The following ALG2 variants were observed in gnomAD, a reference collection of about 807,000 sequenced individuals.
ALG2 encodes the protein alpha-1,3/1,6-mannosyltransferase ALG2.
In ALG2, 32 loss-of-function variants were observed where a neutral mutation model predicts 30.5. The observed-to-expected ratio is 1.05, with a 90% CI of 0.79 to 1.41. The LOEUF (loss-of-function observed/expected upper bound fraction) is 1.41, where lower values mean the gene tolerates loss of function less well. Ranked by LOEUF, ALG2 falls within the 40% of genes most tolerant of loss-of-function variation. The pLI, the probability that ALG2 is intolerant of heterozygous loss-of-function variation, is 0.00. For synonymous variants in ALG2, 253 were observed against 224.8 expected (o/e 1.13, Z -1.12); for missense variants, 574 against 526.4 (o/e 1.09, Z -0.88).
chr9:99,218,800 G>T lies in ALG2; in HGVS notation c.385C>A (p.Arg129=). The stretch of plus-strand genomic sequence containing the variant: ...CAGTAAAATAGGATCTTCTTCCGCC[G>T]TCTAGCCAGCCTGAACACTGGGATA... ...ACIPVFRLAR[R]RKKILFYCHF... The change falls in exon 2 of 2, where the codon CGG becomes AGG. Residue 129 remains arginine, a synonymous_variant. Transcript: ENST00000476832. The T allele has an allele frequency of 6.2e-7, 1 of 1,608,278 alleles. No individual in the cohort carries two copies.
rs1056002665 is a variant in ALG2 at position 99,221,255 on chromosome 9, C to T, written c.348+292G>A. 6 of 1,110,448 alleles carry T rather than the reference C, an allele frequency of 5.4e-6. No homozygotes were observed. The Admixed American group carries it at 1.7e-4, about 32-fold the overall frequency. The allele number at this position is 1,110,448 out of a possible 1,614,324, so 68.8% of individuals were successfully genotyped here. On this transcript the variant is annotated intron_variant, in intron 1 of 1. Transcript: ENST00000476832. The stretch of plus-strand genomic sequence containing the variant: ...CCAGCGTTTCTCAGAGCCCCAAAGA[C>T]TATCTACCTCGGAATCACCCTATGA...
At chr9:99,221,123 T>G in intron 1 of ALG2, 4 of 1,360,722 alleles carry the variant, frequency 2.9e-6, no homozygotes, top group Non-Finnish European at 3.9e-6. Context: ...ACAAGGACAG[T>G]GGGATGCAAA....
In ALG2 at chr9:99,217,523, AACT is replaced by A. The variant is rs1828714453; in HGVS notation, c.*408_*410del. The A allele has an allele frequency of 2.2e-6, 1 of 455,548 alleles. No homozygotes were observed. The highest frequency in any genetic ancestry group is 2.3e-5 in the Admixed American group (1 of 42,578). 28.2% of individuals were successfully genotyped at this position (455,548 alleles called of 1,614,324 possible). A position where few individuals can be genotyped will look rare whatever the true frequency, so the allele number is the denominator to read the frequency against. On this transcript the variant is annotated 3_prime_UTR_variant, in exon 2 of 2. Coordinates refer to ENST00000476832, the MANE Select transcript of ALG2 (RefSeq NM_033087.4). ...AACACTTCGGTGGATTGAATCTGGG[AACT>A]ACAATAGCCCTGCTCTCATTATACT...
chr9:99,216,887 T>G lies in ALG2; in HGVS notation c.*1047A>C. Reference sequence around the variant, plus strand: ...TGTGGAGCCTTTGGCTAGTAAGCTTTGCTACTTCTGGAAATGAATTTAGCC... The same window carrying G: ...TGTGGAGCCTTTGGCTAGTAAGCTTGGCTACTTCTGGAAATGAATTTAGCC... On this transcript the variant is annotated 3_prime_UTR_variant, in exon 2 of 2. Transcript: ENST00000476832. 2.2e-6 allele frequency: 1 copy of G among 454,156 alleles called. No homozygotes were observed. Among genetic ancestry groups the G allele is most frequent in the South Asian group, 1.6e-5 (1 of 64,478 alleles). The allele number at this position is 454,156 out of a possible 1,614,324, so 28.1% of individuals were successfully genotyped here. A position where few individuals can be genotyped will look rare whatever the true frequency, so the allele number is the denominator to read the frequency against.
chr9:99,219,550 T>C (rs1828755976), intron 1 of ALG2, among the ~76,000 whole-genome samples: 1 of 152,250 alleles, frequency 6.6e-6, no homozygotes, highest in African/African-American at 2.4e-5. Flanking sequence ...CTTTTTGTGA[T>C]TATTAAATGC....
intron 1 of ALG2, among the ~76,000 whole-genome samples, chr9:99,219,317 T>C (rs1828753276): frequency 6.6e-6 from 1 of 152,226 alleles, no homozygotes; most frequent in South Asian, 2.1e-4. Flanking sequence ...CACATGTGGC[T>C]AGTGGCTACC....
At position 99,217,013 on chromosome 9, in the gene ALG2, A is replaced by G. The variant is rs1828704035; in HGVS notation, c.*921T>C. 4.4e-6 allele frequency: 2 copies of G among 454,028 alleles called. No individual in the cohort carries two copies. The highest frequency in any genetic ancestry group is 3.1e-5 in the South Asian group (2 of 64,486). 28.1% of individuals were successfully genotyped at this position (454,028 alleles called of 1,614,324 possible). A position where few individuals can be genotyped will look rare whatever the true frequency, so the allele number is the denominator to read the frequency against. ...TCACGAAAATATCAGTGTCATGAAA[A>G]GGCTAGAGTACATGGAGGGGGAAGA... On this transcript the variant is annotated 3_prime_UTR_variant, in exon 2 of 2. Coordinates refer to ENST00000476832, the MANE Select transcript of ALG2 (RefSeq NM_033087.4).
chr9:99,218,176 T>A lies in ALG2; in HGVS notation c.1009A>T (p.Met337Leu), dbSNP rs1158340834. ...FGIVPLEAMYMQCPVIAVNSG... is the reference protein window; with the variant it reads ...FGIVPLEAMYLQCPVIAVNSG... ...TTAACAGCAATGACTGGGCACTGCA[T>A]GTACATGGCTTCCAGAGGGACAATG... The change falls in exon 2 of 2, where the codon ATG (methionine) becomes TTG (leucine). Residue 337 changes from methionine (M) to leucine (L), a missense_variant. Transcript: ENST00000476832. The A allele has an allele frequency of 6.2e-7, 1 of 1,613,314 alleles. No individual in the cohort carries two copies. The highest frequency in any genetic ancestry group is 2.2e-5 in the East Asian group (1 of 44,860).
rs1828730007 is a variant in ALG2 at position 99,218,262 on chromosome 9, TTC to T, written c.921_922del (p.Lys308AsnfsTer17). The T allele has an allele frequency of 6.2e-7, 1 of 1,614,120 alleles. No homozygotes were observed. Among genetic ancestry groups the T allele is most frequent in the African/African-American group, 1.3e-5 (1 of 74,942 alleles). On this transcript the variant is annotated frameshift_variant, in exon 2 of 2. Coordinates refer to ENST00000476832, the MANE Select transcript of ALG2 (RefSeq NM_033087.4). LOFTEE classifies it high-confidence loss of function. Reference sequence around the variant, plus strand: ...CGTGCAGCTGTGGAGGAGGGAGATTTTCTGTTTGTCTGAGAAAGACCTCAAGA... The same window carrying T: ...CGTGCAGCTGTGGAGGAGGGAGATTTTGTTTGTCTGAGAAAGACCTCAAGA...
intron 1 of ALG2, chr9:99,220,961 C>T (rs1588620099): frequency 2.2e-6 from 3 of 1,351,866 alleles, no homozygotes; most frequent in Middle Eastern, 2.1e-4. Context: ...AGGGCAGATC[C>T]AGGTGGACAT....
rs1485832940 is a variant in ALG2 at position 99,217,421 on chromosome 9, A to T, written c.*513T>A. The T allele has an allele frequency of 2.2e-6, 1 of 453,802 alleles. No individual in the cohort carries two copies. The highest frequency in any genetic ancestry group is 6.9e-5 in the East Asian group (1 of 14,396). 28.1% of individuals were successfully genotyped at this position (453,802 alleles called of 1,614,324 possible). ...AGTGTGCAAAAATACAAATTATCTTAAAAAAAATACAGAGCACTCTCGCTA... is the reference window on the plus strand; with the variant it reads ...AGTGTGCAAAAATACAAATTATCTTTAAAAAAATACAGAGCACTCTCGCTA... On this transcript the variant is annotated 3_prime_UTR_variant, in exon 2 of 2. Coordinates refer to ENST00000476832, the MANE Select transcript of ALG2 (RefSeq NM_033087.4).
intron 1 of ALG2, chr9:99,220,970 A>T: frequency 2.2e-6 from 3 of 1,352,256 alleles, no homozygotes; most frequent in Non-Finnish European, 2.9e-6. Context: ...CCAGGTGGAC[A>T]TTATTTACCA....
In ALG2 at chr9:99,218,108, C is replaced by A. The variant is rs750767609; in HGVS notation, c.1077G>T (p.Gly359=). The change falls in exon 2 of 2, where the codon GGG becomes GGT. Residue 359 remains glycine, a synonymous_variant. Transcript: ENST00000476832. The part of the protein sequence containing the change: ...PLESIDHSVT[G]FLCEPDPVHF... ...GCACCGGGTCAGGCTCACACAGAAA[C>A]CCTGTGACACTGTGGTCAATGGACT... 3 of 1,612,776 alleles carry A rather than the reference C, an allele frequency of 1.9e-6. No homozygotes were observed. The highest frequency in any genetic ancestry group is 2.5e-6 in the Non-Finnish European group (3 of 1,179,088).
rs1482219043 is a variant in ALG2 at position 99,216,906 on chromosome 9, T to C, written c.*1028A>G. 1.3e-5 allele frequency: 6 copies of C among 454,122 alleles called. No individual in the cohort carries two copies. Among genetic ancestry groups the C allele is most frequent in the Admixed American group, 2.3e-5 (1 of 42,574 alleles). 28.1% of individuals were successfully genotyped at this position (454,122 alleles called of 1,614,324 possible). ...AAGCTTTGCTACTTCTGGAAATGAA[T>C]TTAGCCTTAGAAGTATGTTGAAAAC... On this transcript the variant is annotated 3_prime_UTR_variant, in exon 2 of 2. Transcript: ENST00000476832.
chr9:99,217,350 T>C lies in ALG2; in HGVS notation c.*584A>G, dbSNP rs1401507733. The stretch of plus-strand genomic sequence containing the variant: ...CCAAAATAGATTATGGAGACCAAAA[T>C]CTAATACTGTTTCTTTTTTATGATA... On this transcript the variant is annotated 3_prime_UTR_variant, in exon 2 of 2. Coordinates refer to ENST00000476832, the MANE Select transcript of ALG2 (RefSeq NM_033087.4). 2.2e-6 allele frequency: 1 copy of C among 454,076 alleles called. No individual in the cohort carries two copies. The highest frequency in any genetic ancestry group is 1.6e-5 in the South Asian group (1 of 64,462). The allele number at this position is 454,076 out of a possible 1,614,324, so 28.1% of individuals were successfully genotyped here. A position where few individuals can be genotyped will look rare whatever the true frequency, so the allele number is the denominator to read the frequency against.
chr9:99,221,300 T>A (rs1281913398), intron 1 of ALG2, among the ~76,000 whole-genome samples: 1 of 152,216 alleles, frequency 6.6e-6, no homozygotes, highest in Non-Finnish European at 1.5e-5. Flanking sequence ...AATGCAGATG[T>A]CTGGGCCCCA....
At position 99,221,709 on chromosome 9, in the gene ALG2, C is replaced by T. The variant is rs1485767103; in HGVS notation, c.186G>A (p.Glu62=). 1 of 1,594,286 alleles carries T rather than the reference C, an allele frequency of 6.3e-7. No individual in the cohort carries two copies. Among genetic ancestry groups the T allele is most frequent in the Non-Finnish European group, 8.5e-7 (1 of 1,177,298 alleles). The part of the protein sequence containing the change: ...AHYDPGHCFA[E]SRELPVRCAG... The stretch of plus-strand genomic sequence containing the variant: ...CACAGCGCACCGGTAGCTCGCGGCT[C>T]TCGGCGAAACAGTGGCCCGGGTCGT... Residue 62 remains glutamate (E), a synonymous_variant, in exon 1 of 2, where the codon GAG becomes GAA. Transcript: ENST00000476832.
In ALG2 at chr9:99,218,854, C is replaced by T. The variant is rs1437157278; in HGVS notation, c.349-18G>A. On this transcript the variant is annotated intron_variant, in intron 1 of 1. Coordinates refer to ENST00000476832, the MANE Select transcript of ALG2 (RefSeq NM_033087.4). ...GCAGACACCTAGCCAAAGCAAAAAT[C>T]AACAGCGGATAAAGTGGTCAACTCA... 3 of 1,600,538 alleles carry T rather than the reference C, an allele frequency of 1.9e-6. No individual in the cohort carries two copies. Among genetic ancestry groups the T allele is most frequent in the Non-Finnish European group, 2.5e-6 (3 of 1,179,888 alleles).
rs768653810 is a variant in ALG2 at position 99,218,596 on chromosome 9, C to A, written c.589G>T (p.Asp197Tyr). The A allele has an allele frequency of 5.0e-6, 8 of 1,614,172 alleles. No individual in the cohort carries two copies. The South Asian group carries it at 8.8e-5, about 18-fold the overall frequency. ...ACATTTAGAGATGGATAGAGGACATCAGGGTCTATGTGAGACAGGGACTTG... is the reference window on the plus strand; with the variant it reads ...ACATTTAGAGATGGATAGAGGACATAAGGGTCTATGTGAGACAGGGACTTG... ...TFKSLSHIDP[D>Y]VLYPSLNVTS... is the part of the protein sequence containing the mutation. The change falls in exon 2 of 2, where the codon GAT (aspartate) becomes TAT (tyrosine). Residue 197 changes from aspartate (D) to tyrosine (Y), a missense_variant. Physicochemically the swap from Asp to Tyr is radical, Grantham distance 160. Coordinates refer to ENST00000476832, the MANE Select transcript of ALG2 (RefSeq NM_033087.4).
Sources: allele counts gnomAD v4.1 joint callset (sites outside exome capture counted in the v4.1 genomes callset), GRCh38; gene constraint gnomAD v4.1.1; transcripts MANE v1.5; gene names NCBI Gene and HGNC (gene_info 2026-07-23, HGNC 2026-07-21).